The following DHDH variants were observed in gnomAD, a reference collection of about 807,000 sequenced individuals.
DHDH encodes dihydrodiol dehydrogenase.
Under a neutral mutation model 33.2 loss-of-function variants are expected in DHDH, and 29 were observed. The ratio of observed to expected loss-of-function variants is 0.87; its 90% CI spans 0.65 to 1.19. The LOEUF is 1.19. DHDH is among the 50% of genes most tolerant of loss of function. DHDH has a pLI of 0.00. For missense variants in DHDH, 431 were observed against 455.0 expected, an observed-to-expected ratio of 0.95 and a Z score of 0.48; for synonymous variants, 201 against 187.9, an observed-to-expected ratio of 1.07 and a Z score of -0.57.
chr19:48,933,587 GAC>G, upstream of DHDH: 1 of 771,768 alleles, frequency 1.3e-6, no homozygotes, highest in Non-Finnish European at 2.2e-6. Context: ...CCGCTCTGCC[GAC>G]TGGAGCCAAC....
At chr19:48,943,544 G>A (rs1324764013) in intron 5 of DHDH, among the ~76,000 whole-genome samples, 1 of 151,754 alleles carries the variant, frequency 6.6e-6, no homozygotes, top group Non-Finnish European at 1.5e-5. Context: ...AAAACATACA[G>A]GCTGGGCGCG....
In DHDH at chr19:48,942,455, T is replaced by A. The variant is rs756041009; in HGVS notation, c.635T>A (p.Val212Asp). The A allele has an allele frequency of 2.5e-6, 4 of 1,609,732 alleles. No homozygotes were observed. The South Asian group carries it at 3.3e-5, about 13-fold the overall frequency. ...RRHETGVDDT[V>D]TVLLQYPGEV... is the part of the protein sequence containing the mutation. ...TTCCCTCCAGGTGTGGATGACACTG[T>A]CACGGTGCTCCTGCAGTACCCAGGG... The change falls in exon 5 of 7, where the codon GTC (valine) becomes GAC (aspartate). Residue 212 changes from valine to aspartate, a missense_variant. By Grantham distance (152) the Val-to-Asp change is radical. Coordinates refer to ENST00000221403, the MANE Select transcript of DHDH (RefSeq NM_014475.4).
chr19:48,938,215 G>T (rs919002824), intron 3 of DHDH, among the ~76,000 whole-genome samples: 1 of 152,032 alleles, frequency 6.6e-6, no homozygotes, highest in Admixed American at 6.6e-5. Context: ...TCCTGCCTCA[G>T]CCTCCCGAGT....
intron 1 of DHDH, among the ~76,000 whole-genome samples, chr19:48,934,760 CTT>C (rs1363917360): frequency 6.6e-6 from 1 of 152,046 alleles, no homozygotes; most frequent in Non-Finnish European, 1.5e-5. Context: ...ACCTGAGTGT[CTT>C]GAGGTTTGGA....
At chr19:48,937,819 A>T (rs1482945786) in intron 3 of DHDH, among the ~76,000 whole-genome samples, 1 of 72,472 alleles carries the variant, frequency 1.4e-5, no homozygotes, top group African/African-American at 1.7e-4. Flanking sequence ...TTTAAAAAAA[A>T]AAAAAAAAAA....
chr19:48,943,540 T>A (rs1450907365), intron 5 of DHDH, among the ~76,000 whole-genome samples: 2 of 151,468 alleles, frequency 1.3e-5, no homozygotes, highest in Non-Finnish European at 2.9e-5. Flanking sequence ...AAAAAAAACA[T>A]ACAGGCTGGG....
At chr19:48,938,629 C>T (rs2037813281) in intron 3 of DHDH, among the ~76,000 whole-genome samples, 1 of 150,960 alleles carries the variant, frequency 6.6e-6, no homozygotes, top group Non-Finnish European at 1.5e-5. Flanking sequence ...GGATAAGGGC[C>T]CACCCTAATG....
Position 48,937,030 on chromosome 19 carries a change from T to C in DHDH, c.366+835T>C, listed in dbSNP as rs1600083996. On this transcript the variant is annotated intron_variant, in intron 3 of 6. Coordinates refer to ENST00000221403, the MANE Select transcript of DHDH (RefSeq NM_014475.4). ...AACTCATGACTGCAAGTGATCCTCC[T>C]GCCGCGGCCTCCCAAAGTGCTGGGA... 2.6e-5 allele frequency among the ~76,000 whole-genome samples: 4 copies of C among 152,090 alleles called. No individual in the cohort carries two copies. In the East Asian group the frequency reaches 7.9e-4, roughly 30 times the overall value.
intron 2 of DHDH, among the ~76,000 whole-genome samples, chr19:48,935,490 C>T (rs2037758840): frequency 6.6e-6 from 1 of 151,956 alleles, no homozygotes; most frequent in African/African-American, 2.4e-5. Flanking sequence ...CACTGCACTC[C>T]AGCCTGGGCG....
At chr19:48,942,652 C>T in intron 5 of DHDH, 88 bp downstream of exon 5, 2 of 1,513,100 alleles carry the variant, frequency 1.3e-6, no homozygotes, top group Non-Finnish European at 1.8e-6. Context: ...GAGAGCTTAA[C>T]CAGCCAATTT....
rs531127851 is a variant in DHDH, at chr19:48,935,880, C to T, written c.203-152C>T. The stretch of plus-strand genomic sequence containing the variant: ...AGAGAGCGAGAATGGCGAGAGGTAA[C>T]AGCCCCTTCCTAAGGACAGCTCCCT... On this transcript the variant is annotated intron_variant, in intron 2 of 6. Transcript: ENST00000221403. 7 of 730,966 alleles carry T rather than the reference C, an allele frequency of 9.6e-6. 1 individual carries two copies. In the South Asian group the frequency reaches 1.7e-4, roughly 18 times the overall value. The allele number at this position is 730,966 out of a possible 1,614,324, so 45.3% of individuals were successfully genotyped here. A position where few individuals can be genotyped will look rare whatever the true frequency, so the allele number is the denominator to read the frequency against.
chr19:48,935,349 CAA>C (rs1040386337), intron 2 of DHDH, among the ~76,000 whole-genome samples: 1 of 152,160 alleles, frequency 6.6e-6, no homozygotes, highest in Non-Finnish European at 1.5e-5. Flanking sequence ...CCAATCTCTA[CAA>C]AAAATAACAA....
rs767002970 is a variant in DHDH, at chr19:48,936,035, T to C, written c.206T>C (p.Val69Ala). The change falls in exon 3 of 7, where the codon GTG becomes GCG. Residue 69 changes from valine to alanine, a missense_variant. Transcript: ENST00000221403. ...EELAKDPSVE[V>A]AYIGTQHPQH... is the part of the protein sequence containing the mutation. ...TCTTGACCTACTCCCACCCTAGAGG[T>C]GGCCTACATTGGCACCCAGCACCCC... The C allele has an allele frequency of 6.3e-7, 1 of 1,598,458 alleles. No homozygotes were observed. Among genetic ancestry groups the C allele is most frequent in the Non-Finnish European group, 8.5e-7 (1 of 1,173,856 alleles).
intron 3 of DHDH, among the ~76,000 whole-genome samples, chr19:48,938,588 C>G (rs114061167): frequency 1.3e-5 from 2 of 151,888 alleles, no homozygotes; most frequent in African/African-American, 4.8e-5. Flanking sequence ...CTAATCTCTT[C>G]TTATAAGGAC....
At chr19:48,942,190 G>C (rs2037872887) in intron 4 of DHDH, among the ~76,000 whole-genome samples, 1 of 152,028 alleles carries the variant, frequency 6.6e-6, no homozygotes, top group African/African-American at 2.4e-5. Flanking sequence ...ATCTTTAGTA[G>C]AGACAGGGTT....
rs753077562 is a variant in DHDH at position 48,933,700 on chromosome 19, C to T, written c.-22C>T. The T allele has an allele frequency of 1.3e-5, 21 of 1,612,284 alleles. No homozygotes were observed. Among genetic ancestry groups the T allele is most frequent in the South Asian group, 5.5e-5 (5 of 91,054 alleles). On this transcript the variant is annotated 5_prime_UTR_variant, in exon 1 of 7. Transcript: ENST00000221403. ...TTCGCGCCTGGAGGGACCGAAGGTGCCGAGGGCTCCGCATCGCAACCATGG... is the reference window on the plus strand; with the variant it reads ...TTCGCGCCTGGAGGGACCGAAGGTGTCGAGGGCTCCGCATCGCAACCATGG...
chr19:48,935,413 G>A (rs1052312725), intron 2 of DHDH, among the ~76,000 whole-genome samples: 1 of 152,070 alleles, frequency 6.6e-6, no homozygotes, highest in Non-Finnish European at 1.5e-5. Context: ...CCCAGCTACT[G>A]GGGAGGCTGA....
At chr19:48,936,724 A>C (rs987577874) in intron 3 of DHDH, among the ~76,000 whole-genome samples, 2 of 151,640 alleles carry the variant, frequency 1.3e-5, no homozygotes, top group Non-Finnish European at 2.9e-5. Flanking sequence ...ACAAAAAAAA[A>C]AACAAGAAAA....
chr19:48,936,100 A>T lies in DHDH; in HGVS notation c.271A>T (p.Lys91Ter). The change falls in exon 3 of 7, where the codon AAG (lysine) becomes TAG (stop). Residue 91 changes from lysine (K) to a stop codon, truncating the protein, a stop_gained. Coordinates refer to ENST00000221403, the MANE Select transcript of DHDH (RefSeq NM_014475.4). LOFTEE classifies it high-confidence loss of function. The stretch of plus-strand genomic sequence containing the variant: ...GGTGATGCTGTGCTTGGCGGCGGGC[A>T]AGGCCGTTCTGTGCGAGAAGCCCAC... ...AAVMLCLAAG[K>*]AVLCEKPTGV... is the part of the protein sequence containing the mutation. 6.2e-7 allele frequency: 1 copy of T among 1,611,552 alleles called. No homozygotes were observed. Among genetic ancestry groups the T allele is most frequent in the African/African-American group, 1.3e-5 (1 of 75,048 alleles).
Sources: allele counts gnomAD v4.1 joint callset (sites outside exome capture counted in the v4.1 genomes callset), GRCh38; gene constraint gnomAD v4.1.1; transcripts MANE v1.5; gene names NCBI Gene and HGNC (gene_info 2026-07-23, HGNC 2026-07-21).